TRNAU1AP: variants seen among roughly 807,000 people sequenced by gnomAD.
TRNAU1AP encodes the protein tRNA selenocysteine 1 associated protein 1.
In TRNAU1AP, 33 loss-of-function variants were observed where a neutral mutation model predicts 43.3. The ratio of observed to expected loss-of-function variants is 0.76; its 90% CI spans 0.58 to 1.02. The LOEUF (loss-of-function observed/expected upper bound fraction) is 1.02, where lower values mean the gene tolerates loss of function less well. Among genes scored for constraint, TRNAU1AP ranks in the 50% least tolerant of loss-of-function variants. The pLI is 0.00. For synonymous variants in TRNAU1AP, 143 were observed against 129.1 expected (o/e 1.11, Z -0.73); for missense variants, 290 against 362.7 (o/e 0.80, Z 1.63).
intron 5 of TRNAU1AP, among the ~76,000 whole-genome samples, chr1:28,566,278 G>A (rs997281198): frequency 2.7e-5 from 4 of 147,504 alleles, no homozygotes; most frequent in Non-Finnish European, 5.9e-5. Flanking sequence ...TCGTGCCAGT[G>A]CATTCCAGCC....
intron 2 of TRNAU1AP, among the ~76,000 whole-genome samples, chr1:28,557,469 CTTTT>C (rs753718490): frequency 3.4e-5 from 4 of 118,156 alleles, no homozygotes; most frequent in African/African-American, 3.1e-5. Context: ...TTACATGTTT[CTTTT>C]TTTTTTTTTT....
intron 2 of TRNAU1AP, among the ~76,000 whole-genome samples, chr1:28,558,790 C>T (rs1448292487): frequency 2.6e-5 from 4 of 152,108 alleles, no homozygotes; most frequent in Non-Finnish European, 5.9e-5. Context: ...TGGTCTCAGT[C>T]TCCTGACCTC....
Position 28,553,690 on chromosome 1 carries a change from G to A in TRNAU1AP, c.78G>A (p.Met26Ile). The A allele has an allele frequency of 6.2e-7, 1 of 1,614,190 alleles. No homozygotes were observed. The highest frequency in any genetic ancestry group is 8.5e-7 in the Non-Finnish European group (1 of 1,180,032). Reference sequence around the variant, plus strand: ...TCATCTCCAGAGCCTTTGCCACCATGGGGGAGACCGTAATGAGCGTCAAAA... The same window carrying A: ...TCATCTCCAGAGCCTTTGCCACCATAGGGGAGACCGTAATGAGCGTCAAAA... ...ENFISRAFAT[M>I]GETVMSVKII... The change falls in exon 2 of 9, where the codon ATG becomes ATA. Residue 26 changes from methionine to isoleucine, a missense_variant. This residue lies in a region of TRNAU1AP where 59 missense variants were observed against 45.5 expected (regional missense o/e 1.30). Coordinates refer to ENST00000373830, the MANE Select transcript of TRNAU1AP (RefSeq NM_017846.5).
chr1:28,559,692 T>C (rs1378085830), intron 2 of TRNAU1AP, among the ~76,000 whole-genome samples: 1 of 152,146 alleles, frequency 6.6e-6, no homozygotes, highest in African/African-American at 2.4e-5. Flanking sequence ...CATTCTGCAT[T>C]CATTTGTTTA....
At chr1:28,562,654 C>T (rs527575958) in intron 4 of TRNAU1AP, among the ~76,000 whole-genome samples, 3 of 151,346 alleles carry the variant, frequency 2.0e-5, no homozygotes, top group Non-Finnish European at 2.9e-5. Context: ...GATCTCTGCT[C>T]ACTGCAAGCT....
rs1269707046 is a variant in TRNAU1AP at position 28,561,339 on chromosome 1, C to G, written c.226-7C>G. 3 of 1,614,016 alleles carry G rather than the reference C, an allele frequency of 1.9e-6. No individual in the cohort carries two copies. Among genetic ancestry groups the G allele is most frequent in the Non-Finnish European group, 2.5e-6 (3 of 1,180,006 alleles). On this transcript the variant is annotated splice_region_variant and splice_polypyrimidine_tract_variant and intron_variant, in intron 3 of 8. Coordinates refer to ENST00000373830, the MANE Select transcript of TRNAU1AP (RefSeq NM_017846.5). ...CTGTTTTAGTTTGTTTGTTTTTCAA[C>G]TTCCAGGCGAAACGTTTTAAACTGA...
chr1:28,571,300 A>G lies in TRNAU1AP; in HGVS notation c.655A>G (p.Ser219Gly). The G allele has an allele frequency of 6.2e-7, 1 of 1,614,008 alleles. No homozygotes were observed. Among genetic ancestry groups the G allele is most frequent in the South Asian group, 1.1e-5 (1 of 91,074 alleles). The change falls in exon 7 of 9, where the codon AGT (serine) becomes GGT (glycine). Residue 219 changes from serine (S) to glycine (G), a missense_variant. Coordinates refer to ENST00000373830, the MANE Select transcript of TRNAU1AP (RefSeq NM_017846.5). ...YDQNTGSYSY[S>G]YPQYGYTQST... ...CCAGAACACAGGCAGCTACAGCTAC[A>G]GTTACCCCCAGTATGGCTATACCCA...
At chr1:28,561,810 C>T (rs1665410855) in intron 4 of TRNAU1AP, among the ~76,000 whole-genome samples, 1 of 152,160 alleles carries the variant, frequency 6.6e-6, no homozygotes, top group African/African-American at 2.4e-5. Context: ...TGGTGGCTCA[C>T]TCCTATAATC....
chr1:28,571,963 G>A, intron 8 of TRNAU1AP, 63 bp downstream of exon 8: 1 of 1,405,704 alleles, frequency 7.1e-7, no homozygotes, highest in Non-Finnish European at 1.0e-6. Context: ...GGCTGGCACT[G>A]TGCTCTCAGC....
chr1:28,576,117 C>T (rs1665773740), intron 8 of TRNAU1AP, among the ~76,000 whole-genome samples: 1 of 151,350 alleles, frequency 6.6e-6, no homozygotes, highest in African/African-American at 2.4e-5. Context: ...CCTCGGCCTC[C>T]CAAAGTGCTG....
At chr1:28,563,639 G>A (rs1665464406) in intron 4 of TRNAU1AP, among the ~76,000 whole-genome samples, 1 of 150,840 alleles carries the variant, frequency 6.6e-6, no homozygotes, top group South Asian at 2.1e-4. Context: ...AGCTGAGATT[G>A]CGCCACTTCA....
chr1:28,554,422 C>T (rs966289921), intron 2 of TRNAU1AP, among the ~76,000 whole-genome samples: 1 of 152,010 alleles, frequency 6.6e-6, no homozygotes, highest in African/African-American at 2.4e-5. Context: ...ATAGCATATG[C>T]TCAGTAAGTA....
At chr1:28,573,510 C>T (rs1665708497) in intron 8 of TRNAU1AP, among the ~76,000 whole-genome samples, 2 of 151,866 alleles carry the variant, frequency 1.3e-5, no homozygotes, top group African/African-American at 4.8e-5. Context: ...CGGTGGCTCA[C>T]CCCTGTACTC....
At chr1:28,560,369 C>T (rs151317673) in intron 2 of TRNAU1AP, among the ~76,000 whole-genome samples, 6 of 151,782 alleles carry the variant, frequency 4.0e-5, no homozygotes, top group African/African-American at 1.2e-4. Context: ...GCAACCTCCA[C>T]CTCCTGGGTT....
rs1193799398 is a variant in TRNAU1AP, at chr1:28,553,819, C to T, written c.125+82C>T. Reference sequence around the variant, plus strand: ...AATGTAAACATCGTAGTCATGGCTTCTCACTACCCCTAGTAATAGTCACTG... The same window carrying T: ...AATGTAAACATCGTAGTCATGGCTTTTCACTACCCCTAGTAATAGTCACTG... On this transcript the variant is annotated intron_variant, in intron 2 of 8. Coordinates refer to ENST00000373830, the MANE Select transcript of TRNAU1AP (RefSeq NM_017846.5). 1.6e-5 allele frequency: 19 copies of T among 1,185,892 alleles called. No homozygotes were observed. The East Asian group carries it at 4.6e-4, about 29-fold the overall frequency. 73.5% of individuals were successfully genotyped at this position (1,185,892 alleles called of 1,614,324 possible). A position where few individuals can be genotyped will look rare whatever the true frequency, so the allele number is the denominator to read the frequency against.
intron 6 of TRNAU1AP, among the ~76,000 whole-genome samples, chr1:28,568,050 A>G (rs1431505642): frequency 6.6e-6 from 1 of 152,054 alleles, no homozygotes; most frequent in Non-Finnish European, 1.5e-5. Context: ...TGTAGTCCCA[A>G]CAACTCGGGA....
chr1:28,563,530 A>G (rs1248239717), intron 4 of TRNAU1AP, among the ~76,000 whole-genome samples: 2 of 151,988 alleles, frequency 1.3e-5, no homozygotes, highest in Non-Finnish European at 2.9e-5. Context: ...TAAAAATACA[A>G]AAAATTAGTT....
intron 1 of TRNAU1AP, 63 bp from the exon 2 acceptor site, chr1:28,553,577 C>G (rs1452064645): frequency 1.3e-6 from 2 of 1,522,610 alleles, no homozygotes; most frequent in African/African-American, 2.7e-5. Flanking sequence ...GGGAGGGGCT[C>G]TGGAACCCGG....
intron 4 of TRNAU1AP, among the ~76,000 whole-genome samples, chr1:28,562,939 A>G (rs919884051): frequency 2.2e-5 from 3 of 137,624 alleles, no homozygotes; most frequent in African/African-American, 8.5e-5. Context: ...TCTGTTGCCC[A>G]AGCTGGAGTG....
Sources: allele counts gnomAD v4.1 joint callset (sites outside exome capture counted in the v4.1 genomes callset), GRCh38; gene constraint gnomAD v4.1.1; regional missense constraint gnomAD v4.1.1; transcripts MANE v1.5; gene names NCBI Gene and HGNC (gene_info 2026-07-23, HGNC 2026-07-21).